Variants in NAA60 observed in about 807,000 individuals in gnomAD.
NAA60 encodes the protein N-alpha-acetyltransferase 60.
In NAA60, 8 loss-of-function variants were observed where a neutral mutation model predicts 26.1. The observed-to-expected ratio is 0.31, with a 90% confidence interval of 0.18 to 0.55. The LOEUF (loss-of-function observed/expected upper bound fraction) is 0.55, where lower values mean the gene tolerates loss of function less well. Ranked by LOEUF, NAA60 falls within the 20% of genes least tolerant of loss-of-function variation. The probability of loss-of-function intolerance (pLI) is 0.93; values close to 1 mark genes in which losing one functional copy is unlikely to be tolerated. For synonymous variants in NAA60, 131 were observed against 122.5 expected (o/e 1.07, Z -0.46); for missense variants, 290 against 311.3 (o/e 0.93, Z 0.51).
At chr16:3,468,905 C>T (rs2035936906) in intron 2 of NAA60, among the ~76,000 whole-genome samples, 2 of 152,088 alleles carry the variant, frequency 1.3e-5, no homozygotes, top group Non-Finnish European at 2.9e-5. Flanking sequence ...CTGACAAGGC[C>T]AACAACCTTG....
rs1375970353 is a variant in NAA60 at position 3,448,477 on chromosome 16, G to C, written c.-70G>C. The C allele has an allele frequency of 6.5e-7, 1 of 1,535,542 alleles. No homozygotes were observed. Among genetic ancestry groups the C allele is most frequent in the Admixed American group, 2.0e-5 (1 of 50,974 alleles). On this transcript the variant is annotated 5_prime_UTR_variant, in exon 2 of 8. Transcript: ENST00000407558. The stretch of plus-strand genomic sequence containing the variant: ...GTGTCTTTCTCCCCTGCAGCATACA[G>C]AAAGGCTGTACCTGGAGGAAGGAAG...
rs1265873039 is a variant in NAA60 at position 3,457,960 on chromosome 16, G to A, written c.-7+9420G>A. ...ATGGCGGCAGCGCCGGCCTCAGGGG[G>A]CGGGGCCACGTGGGGGCGGCGGCCA... On this transcript the variant is annotated intron_variant, in intron 2 of 7. Transcript: ENST00000407558. 8 of 984,422 alleles carry A rather than the reference G, an allele frequency of 8.1e-6. No individual in the cohort carries two copies. In the Admixed American group the frequency reaches 4.9e-4, roughly 61 times the overall value. 61.0% of individuals were successfully genotyped at this position (984,422 alleles called of 1,614,324 possible). A position where few individuals can be genotyped will look rare whatever the true frequency, so the allele number is the denominator to read the frequency against.
intron 3 of NAA60, among the ~76,000 whole-genome samples, chr16:3,479,034 G>C (rs1327590588): frequency 6.6e-6 from 1 of 152,100 alleles, no homozygotes; most frequent in East Asian, 1.9e-4. Context: ...TCAGGAGTTT[G>C]AGACCAGCCT....
chr16:3,464,656 G>C (rs1273766973), intron 2 of NAA60, among the ~76,000 whole-genome samples: 1 of 152,190 alleles, frequency 6.6e-6, no homozygotes, highest in Non-Finnish European at 1.5e-5. Context: ...TGCTGTTCAA[G>C]TAAATACGTT....
chr16:3,486,027 A>C lies in NAA60; in HGVS notation c.*767A>C. 3 of 222,994 alleles carry C rather than the reference A, an allele frequency of 1.3e-5. No homozygotes were observed. Among genetic ancestry groups the C allele is most frequent in the Non-Finnish European group, 1.8e-5 (2 of 108,412 alleles). 13.8% of individuals were successfully genotyped at this position (222,994 alleles called of 1,614,324 possible). A position where few individuals can be genotyped will look rare whatever the true frequency, so the allele number is the denominator to read the frequency against. On this transcript the variant is annotated 3_prime_UTR_variant, in exon 8 of 8. Transcript: ENST00000407558. Reference sequence around the variant, plus strand: ...CCTGCTGAGGACAGGCATCGCCGAGACTCCTTGGGTCCTCCCCGCCCTCCC... The same window carrying C: ...CCTGCTGAGGACAGGCATCGCCGAGCCTCCTTGGGTCCTCCCCGCCCTCCC...
chr16:3,479,616 C>T lies in NAA60; in HGVS notation c.240+16C>T, dbSNP rs908893039. ...ACATAAAGAGGTACGTACGTGTGTGCAGTGAGGACTTGGCAGTCACTGTCA... is the reference window on the plus strand; with the variant it reads ...ACATAAAGAGGTACGTACGTGTGTGTAGTGAGGACTTGGCAGTCACTGTCA... On this transcript the variant is annotated intron_variant, in intron 4 of 7. Transcript: ENST00000407558. 4 of 1,612,674 alleles carry T rather than the reference C, an allele frequency of 2.5e-6. No homozygotes were observed. In the African/African-American group the frequency reaches 4.0e-5, roughly 16 times the overall value.
intron 2 of NAA60, among the ~76,000 whole-genome samples, chr16:3,450,591 T>G (rs1218566211): frequency 1.3e-5 from 2 of 150,624 alleles, no homozygotes; most frequent in Non-Finnish European, 2.9e-5. Flanking sequence ...TCCCAGCTAC[T>G]CGGGAGGCTG....
chr16:3,480,405 T>G (rs2036751868), intron 4 of NAA60, among the ~76,000 whole-genome samples: 1 of 152,062 alleles, frequency 6.6e-6, no homozygotes, highest in African/African-American at 2.4e-5. Flanking sequence ...AAGACCAGCC[T>G]GGCCAACATG....
At chr16:3,473,715 TG>T (rs2036296609) in intron 2 of NAA60, among the ~76,000 whole-genome samples, 1 of 147,078 alleles carries the variant, frequency 6.8e-6, no homozygotes, top group Admixed American at 6.7e-5. Context: ...TTTTTGTTGT[TG>T]TTGTTGTTGT....
At chr16:3,465,601 C>G (rs75340538) in intron 2 of NAA60, among the ~76,000 whole-genome samples, 9,155 of 152,166 alleles carry the variant, frequency 0.06, 357 homozygotes, top group Middle Eastern at 0.085. Flanking sequence ...TCTGGGGGGA[C>G]CCTGCGTGTC....
At chr16:3,457,140 C>T (rs1253397859) in intron 2 of NAA60, among the ~76,000 whole-genome samples, 1 of 152,108 alleles carries the variant, frequency 6.6e-6, no homozygotes, top group Non-Finnish European at 1.5e-5. Context: ...TTCTGGAAAG[C>T]TCGGAGTTGA....
At chr16:3,485,172 G>T (rs2037088190) in intron 7 of NAA60, 111 bp downstream of exon 7, 1 of 742,318 alleles carries the variant, frequency 1.3e-6, no homozygotes, top group South Asian at 1.5e-5. Flanking sequence ...CGTGGGGACT[G>T]CAGAGTCCAC....
intron 4 of NAA60, among the ~76,000 whole-genome samples, chr16:3,480,593 G>A (rs1471209601): frequency 1.4e-5 from 2 of 143,666 alleles, no homozygotes; most frequent in African/African-American, 2.6e-5. Context: ...GCAAGACTTC[G>A]TCTAAAAAAA....
intron 2 of NAA60, among the ~76,000 whole-genome samples, chr16:3,449,184 C>T (rs1323181886): frequency 6.6e-6 from 1 of 151,982 alleles, no homozygotes; most frequent in Non-Finnish European, 1.5e-5. Context: ...ACCAGCCTGC[C>T]CAACATGTTG....
intron 1 of NAA60, chr16:3,447,503 T>C (rs1294404382): frequency 7.1e-6 from 7 of 985,342 alleles, no homozygotes; most frequent in Admixed American, 6.1e-5. Flanking sequence ...TTTTAAGGTC[T>C]ATTACTTAAA....
At chr16:3,468,686 G>A (rs149832185) in intron 2 of NAA60, among the ~76,000 whole-genome samples, 1 of 152,344 alleles carries the variant, frequency 6.6e-6, no homozygotes, top group East Asian at 1.9e-4. Context: ...TCCACCTCCG[G>A]AAGGCGGAGA....
Position 3,443,813 on chromosome 16 carries a change from C to T in NAA60, c.-101C>T, listed in dbSNP as rs919864569. 38 of 1,534,864 alleles carry T rather than the reference C, an allele frequency of 2.5e-5. No homozygotes were observed. In the Admixed American group the frequency reaches 4.1e-4, roughly 17 times the overall value. On this transcript the variant is annotated 5_prime_UTR_variant, in exon 1 of 8. Transcript: ENST00000407558. ...GAAAGAAGACTGGGAGACACCGGAA[C>T]TCGAAAGAAAATCGGTAACAAAATG...
intron 2 of NAA60, among the ~76,000 whole-genome samples, chr16:3,459,228 C>T (rs1596303176): frequency 6.6e-6 from 1 of 152,296 alleles, no homozygotes; most frequent in Admixed American, 6.5e-5. Flanking sequence ...TTAGTTAATG[C>T]TTAACTGAGT....
At chr16:3,457,998 G>T in intron 2 of NAA60, 1 of 985,374 alleles carries the variant, frequency 1.0e-6, no homozygotes, top group Non-Finnish European at 1.2e-6. Flanking sequence ...GGGCTTCCGG[G>T]CTGCGCTGCC....
Sources: gnomAD v4.1 joint callset for allele counts (sites outside exome capture counted in the v4.1 genomes callset) on GRCh38, gnomAD v4.1.1 for gene constraint, MANE v1.5 for transcripts, NCBI Gene and HGNC (gene_info 2026-07-23, HGNC 2026-07-21) for gene names.